CTXND2: variants seen among roughly 807,000 people sequenced by gnomAD.
The protein encoded by CTXND2 is cortexin domain containing 2.
At chr1:150,894,966 G>A (rs1016280165) in intron 1 of CTXND2, among the ~76,000 whole-genome samples, 1 of 151,892 alleles carries the variant, frequency 6.6e-6, no homozygotes, top group African/African-American at 2.4e-5. Flanking sequence ...ACCAGGAGGA[G>A]GTTGTAGTGA....
intron 1 of CTXND2, among the ~76,000 whole-genome samples, chr1:150,898,994 GGGCTGA>G (rs1668955388): frequency 6.7e-6 from 1 of 149,646 alleles, no homozygotes; most frequent in Non-Finnish European, 1.5e-5. Context: ...GCTACTTGGG[GGGCTGA>G]GGCAGGAGAA....
chr1:150,900,830 CTG>C (rs1026549207), intron 1 of CTXND2, among the ~76,000 whole-genome samples: 3 of 152,108 alleles, frequency 2.0e-5, no homozygotes, highest in Non-Finnish European at 4.4e-5. Context: ...AAATATATAA[CTG>C]TTAAAAAAAC....
intron 1 of CTXND2, among the ~76,000 whole-genome samples, chr1:150,905,078 AC>A (rs1669113596): frequency 6.7e-6 from 1 of 150,144 alleles, no homozygotes; most frequent in Non-Finnish European, 1.5e-5. Flanking sequence ...ACACACACAC[AC>A]ACACACACAC....
intron 1 of CTXND2, among the ~76,000 whole-genome samples, chr1:150,911,624 G>A (rs984336971): frequency 1.3e-5 from 2 of 151,640 alleles, no homozygotes; most frequent in African/African-American, 4.8e-5. Flanking sequence ...GTAGAGACGG[G>A]GTTTCACCAT....
At chr1:150,908,765 C>T (rs1669196634) in intron 1 of CTXND2, among the ~76,000 whole-genome samples, 1 of 150,062 alleles carries the variant, frequency 6.7e-6, no homozygotes, top group African/African-American at 2.4e-5. Context: ...TAGGACCACA[C>T]ACATATGCCA....
intron 1 of CTXND2, among the ~76,000 whole-genome samples, chr1:150,910,471 T>C (rs1399228231): frequency 2.6e-5 from 4 of 152,054 alleles, no homozygotes; most frequent in African/African-American, 9.7e-5. Context: ...ACTATGGGAC[T>C]ATTGGGTTCA....
chr1:150,908,318 GTT>G (rs1669189590), intron 1 of CTXND2, among the ~76,000 whole-genome samples: 1 of 152,062 alleles, frequency 6.6e-6, no homozygotes, highest in African/African-American at 2.4e-5. Flanking sequence ...TAACTCTTAT[GTT>G]TCATAATTTT....
chr1:150,901,641 C>G (rs1024872914), intron 1 of CTXND2, among the ~76,000 whole-genome samples: 11 of 152,166 alleles, frequency 7.2e-5, no homozygotes, highest in African/African-American at 2.7e-4. Flanking sequence ...GGGCTGGGAG[C>G]AGTGGCTCAT....
chr1:150,908,909 C>G (rs916259279), intron 1 of CTXND2, among the ~76,000 whole-genome samples: 1 of 151,988 alleles, frequency 6.6e-6, no homozygotes, highest in Non-Finnish European at 1.5e-5. Flanking sequence ...CATAAGCCAC[C>G]GTGCCCAGCC....
intron 1 of CTXND2, among the ~76,000 whole-genome samples, chr1:150,900,669 C>G (rs762741182): frequency 4.0e-5 from 6 of 151,532 alleles, no homozygotes; most frequent in African/African-American, 1.5e-4. Flanking sequence ...AAAAAAAACC[C>G]TGACGAATAG....
chr1:150,904,173 C>G, intron 1 of CTXND2: 1 of 638,452 alleles, frequency 1.6e-6, no homozygotes, highest in East Asian at 3.5e-5. Flanking sequence ...GCAGAAAAGG[C>G]CGACTTGACA....
chr1:150,889,665 AGT>A (rs1668823250), intron 1 of CTXND2, among the ~76,000 whole-genome samples: 1 of 151,908 alleles, frequency 6.6e-6, no homozygotes, highest in South Asian at 2.1e-4. Flanking sequence ...TTCACCCTAT[AGT>A]GTGTGTTAGC....
intron 1 of CTXND2, among the ~76,000 whole-genome samples, chr1:150,909,500 T>G (rs1008505038): frequency 2.0e-5 from 3 of 152,066 alleles, no homozygotes; most frequent in Non-Finnish European, 2.9e-5. Context: ...GAGGCTGCAG[T>G]GACCCCAGAC....
chr1:150,911,367 G>A (rs911352694), intron 1 of CTXND2, among the ~76,000 whole-genome samples: 1 of 151,000 alleles, frequency 6.6e-6, no homozygotes, highest in Non-Finnish European at 1.5e-5. Flanking sequence ...CTCTTACTTT[G>A]TTTTTCTTTT....
chr1:150,906,291 C>T (rs116021207), intron 1 of CTXND2, among the ~76,000 whole-genome samples: 2,563 of 151,780 alleles, frequency 0.017, 35 homozygotes, highest in Non-Finnish European at 0.027. Context: ...AGAGTGAGAC[C>T]CTACCTCAAA....
chr1:150,894,461 G>C (rs1668889112), intron 1 of CTXND2, among the ~76,000 whole-genome samples: 1 of 152,118 alleles, frequency 6.6e-6, no homozygotes, highest in Non-Finnish European at 1.5e-5. Context: ...TAATACTTGA[G>C]AAGAATGTGT....
In CTXND2 at chr1:150,901,247, G is replaced by A. The variant is rs371349859; in HGVS notation, c.-73-10995G>A. On this transcript the variant is annotated intron_variant, in intron 1 of 1. Coordinates refer to ENST00000636087, the Ensembl canonical transcript of CTXND2. ...AAACATTGTTGAAAGAAATTGAAAA[G>A]ACTTAAGCAAATGGAAAGATACACC... 4.6e-5 allele frequency among the ~76,000 whole-genome samples: 7 copies of A among 152,322 alleles called. No homozygotes were observed. The South Asian group carries it at 6.2e-4, about 14-fold the overall frequency.
At chr1:150,909,854 G>A (rs1349483809) in intron 1 of CTXND2, among the ~76,000 whole-genome samples, 2 of 152,088 alleles carry the variant, frequency 1.3e-5, no homozygotes, top group Non-Finnish European at 2.9e-5. Context: ...CCATCTCCCT[G>A]ACCAACTAAA....
Position 150,900,718 on chromosome 1 carries a change from T to C in CTXND2, c.-73-11524T>C, listed in dbSNP as rs587605544. 3.9e-5 allele frequency among the ~76,000 whole-genome samples: 6 copies of C among 152,060 alleles called. No homozygotes were observed. The South Asian group carries it at 1.0e-3, about 26-fold the overall frequency. Reference sequence around the variant, plus strand: ...GCAATATATATTATATATGAAGGGGTAATATCCCTAGTGTATAAACAATAT... The same window carrying C: ...GCAATATATATTATATATGAAGGGGCAATATCCCTAGTGTATAAACAATAT... On this transcript the variant is annotated intron_variant, in intron 1 of 1. Transcript: ENST00000636087.
Sources: allele counts gnomAD v4.1 joint callset (sites outside exome capture counted in the v4.1 genomes callset), GRCh38; gene constraint gnomAD v4.1.1; transcripts MANE v1.5; gene names NCBI Gene and HGNC (gene_info 2026-07-23, HGNC 2026-07-21).